Variants in PCDHGA10 observed in about 807,000 individuals in gnomAD.
PCDHGA10 encodes the protein protocadherin gamma-A10.
In PCDHGA10, 42 loss-of-function variants were observed where a neutral mutation model predicts 59.5. The observed-to-expected ratio is 0.71, with a 90% CI of 0.55 to 0.91. PCDHGA10 has a LOEUF of 0.91. Among genes scored for constraint, PCDHGA10 ranks in the 40% least tolerant of loss-of-function variants. The pLI is 0.00. For missense variants in PCDHGA10, 1,111 were observed against 1,198.2 expected, an observed-to-expected ratio of 0.93 and a Z score of 1.07; for synonymous variants, 511 against 517.2, an observed-to-expected ratio of 0.99 and a Z score of 0.16.
rs1052219950 is a variant in PCDHGA10, at chr5:141,476,865, G to A, written c.2437-17942G>A. The A allele has an allele frequency of 1.2e-6, 2 of 1,613,752 alleles. No individual in the cohort carries two copies. Among genetic ancestry groups the A allele is most frequent in the African/African-American group, 1.3e-5 (1 of 74,958 alleles). On this transcript the variant is annotated intron_variant, in intron 1 of 3. Coordinates refer to ENST00000398610, the MANE Select transcript of PCDHGA10 (RefSeq NM_018913.3). This position sits in a 1 kb window ranked among gnomAD's most constrained non-coding sequence, Gnocchi z 7.6. ...CCTGTCTTCAACCAGTCCTTGTACC[G>A]GGCGCGCGTCCTGGAGGATGCACCC...
In PCDHGA10 at chr5:141,511,251, A is replaced by T. The variant is rs780892899; in HGVS notation, c.*78A>T. 2.0e-5 allele frequency: 32 copies of T among 1,571,672 alleles called. No homozygotes were observed. Among genetic ancestry groups the T allele is most frequent in the Non-Finnish European group, 2.6e-5 (30 of 1,158,828 alleles). ...TTCTCCTTACCTGCACCCAGGCCTC[A>T]GAGTTTCAGGGCTAACCCCCAGAAT... On this transcript the variant is annotated 3_prime_UTR_variant, in exon 4 of 4. Transcript: ENST00000398610.
chr5:141,423,067 G>A (rs757110751), intron 1 of PCDHGA10: 10 of 1,614,024 alleles, frequency 6.2e-6, no homozygotes, highest in South Asian at 5.5e-5. Context: ...TAAGGCCAGC[G>A]AGCCGGGACT....
At position 141,490,597 on chromosome 5, in the gene PCDHGA10, C is replaced by G. The variant is rs781077720; in HGVS notation, c.2437-4210C>G. 1 of 1,614,182 alleles carries G rather than the reference C, an allele frequency of 6.2e-7. No homozygotes were observed. On this transcript the variant is annotated intron_variant, in intron 1 of 3. Transcript: ENST00000398610. This position sits in a 1 kb window ranked among gnomAD's most constrained non-coding sequence, Gnocchi z 5.4. ...TTCAGATGTCAATGACAATGCACCC[C>G]GCTTCAACCAGCAGCTTTACACTGC...
chr5:141,446,408 C>A (rs1211716327), intron 1 of PCDHGA10, among the ~76,000 whole-genome samples: 1 of 151,898 alleles, frequency 6.6e-6, no homozygotes, highest in African/African-American at 2.4e-5. Flanking sequence ...GAGTTGAGTT[C>A]CAGCCATGTT....
At chr5:141,455,911 ATTTT>A (rs1404284843) in intron 1 of PCDHGA10, among the ~76,000 whole-genome samples, 2 of 114,614 alleles carry the variant, frequency 1.7e-5, no homozygotes, top group African/African-American at 3.3e-5. Context: ...TTATTTATTT[ATTTT>A]GAGACGGAGT....
intron 1 of PCDHGA10, chr5:141,427,265 C>A (rs767369457): frequency 6.6e-6 from 3 of 456,572 alleles, no homozygotes; most frequent in Non-Finnish European, 8.8e-6. Context: ...GCATGACCAG[C>A]GAATGTAAAA....
At chr5:141,422,963 C>A (rs372620011) in intron 1 of PCDHGA10, 1 of 1,614,120 alleles carries the variant, frequency 6.2e-7, no homozygotes, top group Non-Finnish European at 8.5e-7. Flanking sequence ...GTGGAGCTGG[C>A]GCCCCGCTCT....
intron 1 of PCDHGA10, among the ~76,000 whole-genome samples, chr5:141,473,583 A>G (rs905824343): frequency 6.6e-6 from 1 of 152,226 alleles, no homozygotes; most frequent in Non-Finnish European, 1.5e-5. Flanking sequence ...CTAAGACCAG[A>G]CAGACCTGTA....
intron 1 of PCDHGA10, chr5:141,421,544 A>G (rs2096582597): frequency 6.2e-7 from 1 of 1,613,912 alleles, no homozygotes; most frequent in African/African-American, 1.3e-5. Context: ...TGTTTTTTAA[A>G]TATGGAACTT....
Position 141,491,013 on chromosome 5 carries a change from G to C in PCDHGA10, c.2437-3794G>C. ...CTCCTCCTGGCTCCTTGGTCACCAA[G>C]GTGACAGCCGTGGATGCTGATGCAG... On this transcript the variant is annotated intron_variant, in intron 1 of 3. Transcript: ENST00000398610. The surrounding 1 kb of genome is among the most constrained non-coding windows in gnomAD (Gnocchi z 6.9). 6.2e-7 allele frequency: 1 copy of C among 1,614,144 alleles called. No homozygotes were observed. Among genetic ancestry groups the C allele is most frequent in the Non-Finnish European group, 8.5e-7 (1 of 1,180,040 alleles).
chr5:141,477,175 A>T lies in PCDHGA10; in HGVS notation c.2437-17632A>T, dbSNP rs1338347224. On this transcript the variant is annotated intron_variant, in intron 1 of 3. Transcript: ENST00000398610. This position sits in a 1 kb window ranked among gnomAD's most constrained non-coding sequence, Gnocchi z 4.9. ...TGAATGACAACGCCCCGGAGATCAC[A>T]GTCACCTCCGTGTACAGCCCAGTAC... is the stretch of plus-strand genomic sequence containing the variant. The T allele has an allele frequency of 1.2e-6, 2 of 1,614,186 alleles. No individual in the cohort carries two copies. The highest frequency in any genetic ancestry group is 3.3e-5 in the Admixed American group (2 of 60,028).
rs202006594 is a variant in PCDHGA10, at chr5:141,477,618, C to A, written c.2437-17189C>A. 15 of 1,614,176 alleles carry A rather than the reference C, an allele frequency of 9.3e-6. No homozygotes were observed. The African/African-American group carries it at 1.3e-4, about 14-fold the overall frequency. ...TCTTTCTTTCTCTTGGAGCAAGGAGCTGAAACCGGGCTAGTGGGTCGCTAT... is the reference window on the plus strand; with the variant it reads ...TCTTTCTTTCTCTTGGAGCAAGGAGATGAAACCGGGCTAGTGGGTCGCTAT... On this transcript the variant is annotated intron_variant, in intron 1 of 3. Coordinates refer to ENST00000398610, the MANE Select transcript of PCDHGA10 (RefSeq NM_018913.3). The surrounding 1 kb of genome is among the most constrained non-coding windows in gnomAD (Gnocchi z 4.9).
intron 1 of PCDHGA10, among the ~76,000 whole-genome samples, chr5:141,460,251 A>G (rs2098984972): frequency 6.6e-6 from 1 of 152,114 alleles, no homozygotes; most frequent in Admixed American, 6.6e-5. Context: ...TAATTTTGAT[A>G]AAGCCCAATT....
At chr5:141,467,110 T>C (rs2099137137) in intron 1 of PCDHGA10, among the ~76,000 whole-genome samples, 1 of 151,604 alleles carries the variant, frequency 6.6e-6, no homozygotes, top group Non-Finnish European at 1.5e-5. Context: ...TGGAGTACAA[T>C]GGTGCAATCT....
intron 1 of PCDHGA10, among the ~76,000 whole-genome samples, chr5:141,437,922 G>A (rs1039507511): frequency 1.3e-5 from 2 of 152,106 alleles, no homozygotes; most frequent in Admixed American, 6.5e-5. Context: ...ATTTTTAGTA[G>A]AGATGGGGTT....
At position 141,432,207 on chromosome 5, in the gene PCDHGA10, A is replaced by G. The variant is rs1181424938; in HGVS notation, c.2436+16596A>G. 3 of 1,614,176 alleles carry G rather than the reference A, an allele frequency of 1.9e-6. No homozygotes were observed. The highest frequency in any genetic ancestry group is 2.5e-6 in the Non-Finnish European group (3 of 1,180,026). ...ACCGCCCACGACCCCGACTGTGAAG[A>G]GAACGCCCAGATCACTTATTCCCTG... On this transcript the variant is annotated intron_variant, in intron 1 of 3. Transcript: ENST00000398610. The surrounding 1 kb of genome is among the most constrained non-coding windows in gnomAD (Gnocchi z 6.0).
intron 1 of PCDHGA10, among the ~76,000 whole-genome samples, chr5:141,494,399 T>A (rs2099754028): frequency 6.6e-6 from 1 of 152,146 alleles, no homozygotes; most frequent in South Asian, 2.1e-4. Context: ...ATAAATTCAT[T>A]CTAGGGCTGG....
At chr5:141,488,331 T>C (rs535498873) in intron 1 of PCDHGA10, among the ~76,000 whole-genome samples, 22 of 152,218 alleles carry the variant, frequency 1.4e-4, no homozygotes, top group Non-Finnish European at 3.1e-4. Context: ...TACAGTTGGC[T>C]GATTCATAGA....
chr5:141,504,158 T>G (rs890874880), intron 2 of PCDHGA10, among the ~76,000 whole-genome samples: 1 of 152,222 alleles, frequency 6.6e-6, no homozygotes, highest in Non-Finnish European at 1.5e-5. Context: ...TGAAATAATT[T>G]CATCCTTGGA....
Sources: allele counts gnomAD v4.1 joint callset (sites outside exome capture counted in the v4.1 genomes callset), GRCh38; gene constraint gnomAD v4.1.1; non-coding constraint Gnocchi (gnomAD v3.1); transcripts MANE v1.5; gene names NCBI Gene and HGNC (gene_info 2026-07-23, HGNC 2026-07-21).